NTM: variants seen among roughly 807,000 people sequenced by gnomAD.
NTM encodes IgLON family member 2.
In NTM, 13 loss-of-function variants were observed where a neutral mutation model predicts 42.1. The observed-to-expected ratio is 0.31, with a 90% CI of 0.20 to 0.49. NTM has a LOEUF of 0.49. Among genes scored for constraint, NTM ranks in the 20% least tolerant of loss-of-function variants. The pLI is 0.99. For missense variants in NTM, 373 were observed against 452.8 expected (o/e 0.82, Z 1.60); for synonymous variants, 187 against 179.2 (o/e 1.04, Z -0.35).
chr11:131,955,600 A>T (rs550420720), intron 2 of NTM, among the ~76,000 whole-genome samples: 2 of 152,326 alleles, frequency 1.3e-5, no homozygotes, highest in East Asian at 3.9e-4. Context: ...TGACAAAAGA[A>T]CTAAATATCT....
At chr11:132,327,079 A>T (rs1312808429) in intron 7 of NTM, among the ~76,000 whole-genome samples, 1 of 152,236 alleles carries the variant, frequency 6.6e-6, no homozygotes, top group East Asian at 1.9e-4. Flanking sequence ...CAAACAAAAC[A>T]GATTGCATGT....
At chr11:131,804,406 T>G (rs1323380000) in intron 1 of NTM, among the ~76,000 whole-genome samples, 1 of 152,178 alleles carries the variant, frequency 6.6e-6, no homozygotes, top group Non-Finnish European at 1.5e-5. Context: ...CTGGTCTATC[T>G]CAAGCCCTCA....
intron 1 of NTM, among the ~76,000 whole-genome samples, chr11:131,484,404 G>T (rs1344512959): frequency 2.0e-5 from 3 of 152,174 alleles, no homozygotes; most frequent in Non-Finnish European, 4.4e-5. Context: ...TATTGGAGAA[G>T]GCAAAATGGT....
At chr11:131,643,155 A>G (rs538911150) in intron 1 of NTM, among the ~76,000 whole-genome samples, 1 of 152,160 alleles carries the variant, frequency 6.6e-6, no homozygotes, top group Non-Finnish European at 1.5e-5. Context: ...CCCTGTCGTT[A>G]TTTTCAGCAA....
intron 2 of NTM, among the ~76,000 whole-genome samples, chr11:131,954,292 C>A (rs1324168769): frequency 6.6e-6 from 1 of 152,178 alleles, no homozygotes; most frequent in Non-Finnish European, 1.5e-5. Flanking sequence ...AGAGGCAGGG[C>A]TAGCCTGCTG....
chr11:131,829,006 C>T (rs2042479618), intron 1 of NTM, among the ~76,000 whole-genome samples: 1 of 151,950 alleles, frequency 6.6e-6, no homozygotes, highest in Non-Finnish European at 1.5e-5. Flanking sequence ...CTCTGCCTCC[C>T]TCTCTCTCAC....
Position 131,876,475 on chromosome 11 carries a change from G to A in NTM, c.83-35089G>A, listed in dbSNP as rs182483370. The stretch of plus-strand genomic sequence containing the variant: ...TGCCTGGTCCTATTACTCTCCTGAT[G>A]TGTGATCATGAAAAGACCAATTAAT... On this transcript the variant is annotated intron_variant, in intron 1 of 8. Transcript: ENST00000683400. Among the ~76,000 whole-genome samples, 367 of 152,338 alleles carry A rather than the reference G, an allele frequency of 2.4e-3. 1 individual carries two copies. Among genetic ancestry groups the A allele is most frequent in the African/African-American group, 8.3e-3 (344 of 41,576 alleles).
Position 131,769,322 on chromosome 11 carries a change from A to G in NTM, c.83-142242A>G, listed in dbSNP as rs146028504. 2.8e-3 allele frequency among the ~76,000 whole-genome samples: 429 copies of G among 152,190 alleles called. 2 individuals are homozygous for G. The highest frequency in any genetic ancestry group is 0.027 in the Middle Eastern group (8 of 294). ...TTTTTTTGAGGCTAAAATATCTCCTACTGAAGCTACTCTTTCAATTAGGGA... is the reference window on the plus strand; with the variant it reads ...TTTTTTTGAGGCTAAAATATCTCCTGCTGAAGCTACTCTTTCAATTAGGGA... On this transcript the variant is annotated intron_variant, in intron 1 of 8. Coordinates refer to ENST00000683400, the MANE Select transcript of NTM (RefSeq NM_001352005.2).
chr11:132,032,377 G>A (rs2076037360), intron 2 of NTM, among the ~76,000 whole-genome samples: 1 of 152,108 alleles, frequency 6.6e-6, no homozygotes, highest in Non-Finnish European at 1.5e-5. Context: ...TCCATTCCTT[G>A]GATTTTCACT....
chr11:131,595,550 T>C (rs1284417366), intron 1 of NTM, among the ~76,000 whole-genome samples: 1 of 152,170 alleles, frequency 6.6e-6, no homozygotes, highest in East Asian at 1.9e-4. Context: ...GTTTCCCCCT[T>C]ATTCTAAAAC....
chr11:132,136,076 CCTCCTCACAGT>C (rs775044170), intron 2 of NTM, among the ~76,000 whole-genome samples: 25 of 152,204 alleles, frequency 1.6e-4, no homozygotes, highest in Non-Finnish European at 2.4e-4. Flanking sequence ...TTCCTCTCAG[CCTCCTCACAGT>C]CCACTAGAGA....
At chr11:131,381,257 A>G (rs575702783) in intron 1 of NTM, among the ~76,000 whole-genome samples, 3 of 152,184 alleles carry the variant, frequency 2.0e-5, no homozygotes, top group Admixed American at 6.5e-5. Context: ...GAAGTGGTCC[A>G]GTGTTTTTTA....
chr11:132,071,342 G>A (rs1270711821), intron 2 of NTM, among the ~76,000 whole-genome samples: 5 of 142,642 alleles, frequency 3.5e-5, no homozygotes, highest in Admixed American at 7.0e-5. Flanking sequence ...TAGTTAACAC[G>A]TCACTCAGCC....
intron 1 of NTM, among the ~76,000 whole-genome samples, chr11:131,714,858 C>T (rs978117081): frequency 1.3e-5 from 2 of 151,994 alleles, no homozygotes; most frequent in African/African-American, 2.4e-5. Context: ...TGCAGTTTCC[C>T]GTGGCTAAGA....
At chr11:131,476,220 T>C (rs1288727526) in intron 1 of NTM, among the ~76,000 whole-genome samples, 2 of 152,338 alleles carry the variant, frequency 1.3e-5, no homozygotes, top group African/African-American at 2.4e-5. Context: ...TCATAATCCA[T>C]TCTCCACTAA....
At position 132,074,110 on chromosome 11, in the gene NTM, A is replaced by G. The variant is rs149432320; in HGVS notation, c.168-72172A>G. Among the ~76,000 whole-genome samples the G allele has an allele frequency of 5.8e-3, 887 of 152,342 alleles. 7 individuals carry two copies. Among genetic ancestry groups the G allele is most frequent in the African/African-American group, 0.02 (851 of 41,580 alleles). On this transcript the variant is annotated intron_variant, in intron 2 of 8. Coordinates refer to ENST00000683400, the MANE Select transcript of NTM (RefSeq NM_001352005.2). ...AACTAATTTTTCAGTAGGCCACCAG[A>G]TAATGGGTTGTTTGGAAAACAATAT...
rs544837958 is a variant in NTM, at chr11:131,653,953, G to A, written c.83-257611G>A. ...TGAAGGTGTTTGCTCAATATTTGTC[G>A]ATTAAGCTCAACAATACCTTCTTCT... On this transcript the variant is annotated intron_variant, in intron 1 of 8. Transcript: ENST00000683400. 6.6e-4 allele frequency among the ~76,000 whole-genome samples: 101 copies of A among 152,204 alleles called. 1 individual carries two copies. Among genetic ancestry groups the A allele is most frequent in the Non-Finnish European group, 1.3e-3 (88 of 68,048 alleles).
At chr11:131,645,508 A>T (rs997328058) in intron 1 of NTM, among the ~76,000 whole-genome samples, 2 of 152,180 alleles carry the variant, frequency 1.3e-5, no homozygotes, top group Non-Finnish European at 2.9e-5. Flanking sequence ...CTGGGTATTA[A>T]ACCAAACCAC....
intron 1 of NTM, among the ~76,000 whole-genome samples, chr11:131,735,883 A>T (rs1376775127): frequency 2.0e-5 from 3 of 147,622 alleles, no homozygotes; most frequent in East Asian, 2.0e-4. Flanking sequence ...TGTATAAAAA[A>T]ATATATGGAG....
Sources: allele counts gnomAD v4.1 joint callset (sites outside exome capture counted in the v4.1 genomes callset), GRCh38; gene constraint gnomAD v4.1.1; transcripts MANE v1.5; gene names NCBI Gene and HGNC (gene_info 2026-07-23, HGNC 2026-07-21).